Variants in DYNC1I1 observed in about 807,000 individuals in gnomAD.
DYNC1I1 encodes dynein cytoplasmic 1 intermediate chain 1.
A neutral mutation model predicts 86.6 loss-of-function variants in DYNC1I1; 43 were observed. That is an observed-to-expected ratio of 0.50 (90% CI 0.39 to 0.64). The LOEUF (loss-of-function observed/expected upper bound fraction) is 0.64. Among genes scored for constraint, DYNC1I1 ranks in the 30% least tolerant of loss-of-function variants. The pLI is 0.00. For missense variants in DYNC1I1, 604 were observed against 788.8 expected (o/e 0.77, Z 2.81); for synonymous variants, 262 against 283.7 (o/e 0.92, Z 0.77).
At chr7:95,882,251 G>T (rs1790473705) in intron 6 of DYNC1I1, among the ~76,000 whole-genome samples, 1 of 152,068 alleles carries the variant, frequency 6.6e-6, no homozygotes, top group Non-Finnish European at 1.5e-5. Context: ...TCAATAATAG[G>T]TATTGTTTTG....
At chr7:96,005,172 A>G (rs566129684) in intron 10 of DYNC1I1, among the ~76,000 whole-genome samples, 1 of 152,310 alleles carries the variant, frequency 6.6e-6, no homozygotes, top group Admixed American at 6.5e-5. Context: ...TATACTCTGT[A>G]AAGAGGTTGT....
chr7:96,006,544 C>T (rs1396224969), intron 10 of DYNC1I1, among the ~76,000 whole-genome samples: 1 of 152,134 alleles, frequency 6.6e-6, no homozygotes, highest in Non-Finnish European at 1.5e-5. Flanking sequence ...AAATTTCCTG[C>T]CTTTAGAACA....
intron 6 of DYNC1I1, among the ~76,000 whole-genome samples, chr7:95,905,408 T>A (rs1397440195): frequency 1.3e-5 from 2 of 152,132 alleles, no homozygotes; most frequent in East Asian, 3.8e-4. Flanking sequence ...GCTGACAAGG[T>A]TCTATACTTG....
intron 1 of DYNC1I1, among the ~76,000 whole-genome samples, chr7:95,782,348 A>C (rs1454773988): frequency 1.3e-5 from 2 of 152,292 alleles, no homozygotes; most frequent in East Asian, 3.9e-4. Flanking sequence ...TCTATGGGGC[A>C]CCCCTAGGGA....
intron 14 of DYNC1I1, among the ~76,000 whole-genome samples, chr7:96,039,716 C>T (rs181017706): frequency 6.6e-6 from 1 of 152,156 alleles, no homozygotes; most frequent in African/African-American, 2.4e-5. Flanking sequence ...CACAACACCC[C>T]CTTCACTGCC....
At chr7:95,891,293 G>A (rs1790730522) in intron 6 of DYNC1I1, among the ~76,000 whole-genome samples, 1 of 152,154 alleles carries the variant, frequency 6.6e-6, no homozygotes. Context: ...CCTCTGTTAT[G>A]GGTCTAGCAA....
At chr7:95,924,136 C>T (rs1397139535) in intron 6 of DYNC1I1, among the ~76,000 whole-genome samples, 1 of 152,096 alleles carries the variant, frequency 6.6e-6, no homozygotes, top group African/African-American at 2.4e-5. Context: ...AGCATCTCCC[C>T]AAGTTTCTTT....
chr7:95,775,470 A>T (rs933650508), intron 1 of DYNC1I1, among the ~76,000 whole-genome samples: 3 of 152,192 alleles, frequency 2.0e-5, no homozygotes, highest in Admixed American at 2.0e-4. Flanking sequence ...ACTAGGACCC[A>T]TCCATTTTGG....
intron 6 of DYNC1I1, among the ~76,000 whole-genome samples, chr7:95,957,564 A>C (rs1420969612): frequency 6.6e-6 from 1 of 152,138 alleles, no homozygotes; most frequent in Non-Finnish European, 1.5e-5. Context: ...TTGGGCTCCC[A>C]TCCATCAGAA....
chr7:95,901,238 G>T lies in DYNC1I1; in HGVS notation c.490+31240G>T, dbSNP rs1439754977. Among the ~76,000 whole-genome samples, 3 of 152,186 alleles carry T rather than the reference G, an allele frequency of 2.0e-5. No individual in the cohort carries two copies. In the East Asian group the frequency reaches 5.8e-4, roughly 29 times the overall value. On this transcript the variant is annotated intron_variant, in intron 6 of 16. Transcript: ENST00000447467. ...TTGACTAGTGCCCAGTTAGGTTGGA[G>T]CACAGTTCTTTTGGAACCTGTTCAG...
rs1421604058 is a variant in DYNC1I1, at chr7:95,881,115, CAAGA to C, written c.490+11122_490+11125del. Among the ~76,000 whole-genome samples the C allele has an allele frequency of 1.1e-4, 16 of 152,156 alleles. No homozygotes were observed. The East Asian group carries it at 3.1e-3, about 29-fold the overall frequency. On this transcript the variant is annotated intron_variant, in intron 6 of 16. Transcript: ENST00000447467. ...ATGTTAATGACCATAGGTAATTACACAAGAAAGAGTAACTTAGGCAGAAGGGAGA... is the reference window on the plus strand; with the variant it reads ...ATGTTAATGACCATAGGTAATTACACAAGAGTAACTTAGGCAGAAGGGAGA...
chr7:95,886,404 A>C (rs1445528161), intron 6 of DYNC1I1, among the ~76,000 whole-genome samples: 3 of 152,164 alleles, frequency 2.0e-5, no homozygotes, highest in Non-Finnish European at 4.4e-5. Context: ...ACTGCACTCC[A>C]GCCTGGGTGA....
At chr7:96,041,957 C>T (rs1023503780) in intron 14 of DYNC1I1, among the ~76,000 whole-genome samples, 6 of 151,896 alleles carry the variant, frequency 4.0e-5, no homozygotes, top group African/African-American at 1.4e-4. Flanking sequence ...TTTAAAGTAA[C>T]ATGAATCAAC....
At chr7:96,097,412 C>T in intron 16 of DYNC1I1, 71 bp from the exon 17 acceptor site, 5 of 1,554,406 alleles carry the variant, frequency 3.2e-6, no homozygotes, top group Non-Finnish European at 3.5e-6. Flanking sequence ...AAGGGACAGT[C>T]ATTCAGGCTT....
chr7:95,843,940 T>G (rs903015542), intron 5 of DYNC1I1, among the ~76,000 whole-genome samples: 1 of 152,206 alleles, frequency 6.6e-6, no homozygotes, highest in Non-Finnish European at 1.5e-5. Flanking sequence ...TGGAAGTGAA[T>G]AAATATGTCA....
chr7:95,853,862 A>G (rs1789645766), intron 5 of DYNC1I1, among the ~76,000 whole-genome samples: 1 of 152,216 alleles, frequency 6.6e-6, no homozygotes, highest in Admixed American at 6.5e-5. Flanking sequence ...TGTTATGGAT[A>G]TAACAACTGT....
intron 6 of DYNC1I1, among the ~76,000 whole-genome samples, chr7:95,881,883 AG>A (rs1790463787): frequency 6.6e-6 from 1 of 152,250 alleles, no homozygotes; most frequent in Admixed American, 6.5e-5. Context: ...AAGGTAAGAA[AG>A]AAAATATGGT....
In DYNC1I1 at chr7:95,944,117, C is replaced by A. The variant is rs546529270; in HGVS notation, c.491-33395C>A. On this transcript the variant is annotated intron_variant, in intron 6 of 16. Transcript: ENST00000447467. ...ACAAAATTGGAGAAAATTTTTGCAACCTACTCATCTGACAAAGGGCTAATA... is the reference window on the plus strand; with the variant it reads ...ACAAAATTGGAGAAAATTTTTGCAAACTACTCATCTGACAAAGGGCTAATA... Among the ~76,000 whole-genome samples the A allele has an allele frequency of 3.9e-5, 6 of 152,252 alleles. No individual in the cohort carries two copies. The South Asian group carries it at 1.0e-3, about 26-fold the overall frequency.
At chr7:95,980,111 A>G (rs999421409) in intron 7 of DYNC1I1, among the ~76,000 whole-genome samples, 8 of 152,266 alleles carry the variant, frequency 5.3e-5, no homozygotes, top group African/African-American at 1.7e-4. Flanking sequence ...TTAAGTTCCA[A>G]GCGAAAACAC....
Sources: allele counts gnomAD v4.1 joint callset (sites outside exome capture counted in the v4.1 genomes callset), GRCh38; gene constraint gnomAD v4.1.1; transcripts MANE v1.5; gene names NCBI Gene and HGNC (gene_info 2026-07-23, HGNC 2026-07-21).